ATF7: variants seen among roughly 807,000 people sequenced by gnomAD.
The protein encoded by ATF7 is cyclic AMP-dependent transcription factor ATF-7.
A neutral mutation model predicts 50.4 loss-of-function variants in ATF7; 10 were observed. The ratio of observed to expected loss-of-function variants is 0.20; its 90% confidence interval spans 0.12 to 0.34. The LOEUF (loss-of-function observed/expected upper bound fraction) is 0.34. Ranked by LOEUF, ATF7 falls within the 10% of genes least tolerant of loss-of-function variation. The pLI is 1.00. For missense variants in ATF7, 465 were observed against 613.9 expected, an observed-to-expected ratio of 0.76 and a Z score of 2.56; for synonymous variants, 201 against 226.4, an observed-to-expected ratio of 0.89 and a Z score of 1.01.
At chr12:53,591,263 G>A (rs183605443) in intron 2 of ATF7, among the ~76,000 whole-genome samples, 1 of 152,126 alleles carries the variant, frequency 6.6e-6, no homozygotes, top group East Asian at 1.9e-4. Context: ...GCTAATAAGA[G>A]CCAAGATAAG....
In ATF7 at chr12:53,515,738, C is replaced by A. The variant is rs1225602112; in HGVS notation, c.*1399G>T. The A allele has an allele frequency of 6.6e-6, 1 of 152,230 alleles. No individual in the cohort carries two copies. The highest frequency in any genetic ancestry group is 1.5e-5 in the Non-Finnish European group (1 of 68,062). The allele number at this position is 152,230 out of a possible 1,614,324, so 9.4% of individuals were successfully genotyped here. A position where few individuals can be genotyped will look rare whatever the true frequency, so the allele number is the denominator to read the frequency against. On this transcript the variant is annotated 3_prime_UTR_variant, in exon 12 of 12. Coordinates refer to ENST00000420353, the MANE Select transcript of ATF7 (RefSeq NM_006856.3). ...TCTGCACTTTCCCTCTCCTCTTCCTCCCTCCTTTCAATCTTATACTCAAGT... is the reference window on the plus strand; with the variant it reads ...TCTGCACTTTCCCTCTCCTCTTCCTACCTCCTTTCAATCTTATACTCAAGT...
chr12:53,596,991 T>G (rs767341350), intron 2 of ATF7, among the ~76,000 whole-genome samples: 5 of 152,212 alleles, frequency 3.3e-5, no homozygotes, highest in African/African-American at 7.2e-5. Context: ...GGCAGCTCTA[T>G]TAACTGCTCC....
At chr12:53,582,368 C>A (rs1942467603) in intron 2 of ATF7, among the ~76,000 whole-genome samples, 1 of 150,208 alleles carries the variant, frequency 6.7e-6, no homozygotes, top group Non-Finnish European at 1.5e-5. Flanking sequence ...TGGCATAGTG[C>A]CTCATGCCTG....
downstream of ATF7, chr12:53,511,920 G>C (rs917477768): frequency 4.6e-5 from 7 of 152,260 alleles, no homozygotes; most frequent in African/African-American, 1.7e-4. Context: ...ATAAAAACTA[G>C]AGACAAAAAT....
At chr12:53,624,066 G>A (rs1944504653) in intron 1 of ATF7, among the ~76,000 whole-genome samples, 1 of 152,126 alleles carries the variant, frequency 6.6e-6, no homozygotes, top group Non-Finnish European at 1.5e-5. Context: ...GGGTTTAATA[G>A]TGCCCTAGTC....
chr12:53,567,986 G>A (rs1941536839), intron 2 of ATF7, among the ~76,000 whole-genome samples: 1 of 152,214 alleles, frequency 6.6e-6, no homozygotes, highest in Admixed American at 6.5e-5. Context: ...CTTCTAATTT[G>A]CTACACATTA....
chr12:53,523,358 C>T lies in ATF7; in HGVS notation c.1152G>A (p.Glu384=). 6.2e-7 allele frequency: 1 copy of T among 1,613,842 alleles called. No individual in the cohort carries two copies. Among genetic ancestry groups the T allele is most frequent in the Non-Finnish European group, 8.5e-7 (1 of 1,179,768 alleles). Residue 384 remains glutamate (E), a synonymous_variant, in exon 11 of 12, where the codon GAG becomes GAA. Coordinates refer to ENST00000420353, the MANE Select transcript of ATF7 (RefSeq NM_006856.3). ...LSNEVTLLRN[E]VAQLKQLLLA... is the part of the protein sequence containing the mutation. The stretch of plus-strand genomic sequence containing the variant: ...ACAGTAGCTGTTTCAACTGGGCCAC[C>T]TCATTGCGTAGTAATGTGACTTCAT...
intron 10 of ATF7, among the ~76,000 whole-genome samples, 155 bp from the exon 11 acceptor site, chr12:53,523,539 G>C (rs1938250066): frequency 3.9e-5 from 6 of 152,172 alleles, no homozygotes; most frequent in Admixed American, 3.9e-4. Flanking sequence ...ACAGAGCCCA[G>C]GGCCAGTATA....
chr12:53,587,843 A>ATATTTTTTT, intron 2 of ATF7, among the ~76,000 whole-genome samples: 2 of 61,566 alleles, frequency 3.2e-5, no homozygotes, highest in African/African-American at 1.0e-4. Flanking sequence ...ATATATATAT[A>ATATTTTTTT]TTTTTTTTTT....
At chr12:53,554,053 T>G (rs1317828000) in intron 2 of ATF7, among the ~76,000 whole-genome samples, 2 of 152,128 alleles carry the variant, frequency 1.3e-5, no homozygotes, top group African/African-American at 4.8e-5. Context: ...GGTGGACAGA[T>G]TGCTTGAGGC....
chr12:53,573,872 CAA>C (rs1941910768), intron 2 of ATF7, among the ~76,000 whole-genome samples: 1 of 152,152 alleles, frequency 6.6e-6, no homozygotes, highest in South Asian at 2.1e-4. Context: ...GAAAAGAAAA[CAA>C]AACTGAGAAG....
intron 2 of ATF7, among the ~76,000 whole-genome samples, chr12:53,574,021 T>C (rs913426517): frequency 6.6e-6 from 1 of 152,176 alleles, no homozygotes; most frequent in Non-Finnish European, 1.5e-5. Context: ...ACCAATTCCT[T>C]TTACCCAGTA....
chr12:53,617,014 G>A (rs187153323), intron 1 of ATF7, among the ~76,000 whole-genome samples: 34 of 151,104 alleles, frequency 2.3e-4, no homozygotes, highest in African/African-American at 8.0e-4. Context: ...GAGTTTTACT[G>A]TAAACTTATG....
At chr12:53,554,870 G>GAA (rs61675595) in intron 2 of ATF7, among the ~76,000 whole-genome samples, 38,103 of 75,996 alleles carry the variant, frequency 0.5, 9,189 homozygotes, top group East Asian at 0.87. Context: ...CTCAAAAAAA[G>GAA]AAAAAAAAAA....
rs185455556 is a variant in ATF7, at chr12:53,612,747, T to C, written c.-21-11726A>G. 2.8e-4 allele frequency among the ~76,000 whole-genome samples: 43 copies of C among 152,174 alleles called. 1 individual carries two copies. The East Asian group carries it at 7.6e-3, about 27-fold the overall frequency. ...GGCTGGGCGCAGTAGCTCTCGCCTG[T>C]AATCCCAGCACTTTGGGAGGCTGAG... On this transcript the variant is annotated intron_variant, in intron 1 of 11. Transcript: ENST00000420353.
chr12:53,531,722 A>G (rs1282604190), intron 9 of ATF7, 22 bp downstream of exon 9: 1 of 1,600,140 alleles, frequency 6.2e-7, no homozygotes, highest in South Asian at 1.1e-5. Context: ...AAGATATGAC[A>G]TAAAGAGTAA....
chr12:53,611,099 A>G (rs1164835011), intron 1 of ATF7, among the ~76,000 whole-genome samples: 2 of 151,836 alleles, frequency 1.3e-5, no homozygotes, highest in Non-Finnish European at 2.9e-5. Context: ...AAGTTCTGGG[A>G]TTACAAGGGT....
intron 2 of ATF7, among the ~76,000 whole-genome samples, chr12:53,579,265 T>G (rs1942267098): frequency 2.0e-5 from 3 of 151,304 alleles, no homozygotes; most frequent in Non-Finnish European, 4.4e-5. Context: ...CCGGGTGCAG[T>G]GGCTCACGCC....
At chr12:53,544,978 G>C (rs955502665) in intron 3 of ATF7, among the ~76,000 whole-genome samples, 17 of 152,252 alleles carry the variant, frequency 1.1e-4, no homozygotes, top group African/African-American at 3.9e-4. Context: ...TCCATCCCTG[G>C]ATGAGTAGAA....
Sources: gnomAD v4.1 joint callset for allele counts (sites outside exome capture counted in the v4.1 genomes callset) on GRCh38, gnomAD v4.1.1 for gene constraint, MANE v1.5 for transcripts, NCBI Gene and HGNC (gene_info 2026-07-23, HGNC 2026-07-21) for gene names.